Variants in CNTNAP3 observed in about 807,000 individuals in gnomAD.
CNTNAP3 encodes contactin-associated protein-like 3.
CNTNAP3 carries 36 observed loss-of-function variants against 92.1 expected under a neutral mutation model. The observed-to-expected ratio is 0.39, with a 90% confidence interval of 0.30 to 0.52. CNTNAP3 has a LOEUF of 0.52. Among genes scored for constraint, CNTNAP3 ranks in the 20% least tolerant of loss-of-function variants. The pLI is 0.76. For missense variants in CNTNAP3, 534 were observed against 1,069.6 expected (o/e 0.50, Z 6.98); for synonymous variants, 232 against 422.3 (o/e 0.55, Z 5.53).
chr9:39,087,505 G>A (rs1388425536), intron 19 of CNTNAP3, among the ~76,000 whole-genome samples: 3 of 139,348 alleles, frequency 2.2e-5, no homozygotes, highest in Non-Finnish European at 3.1e-5. Context: ...TTGTTTGTTT[G>A]AGGTGGAGTC....
In CNTNAP3 at chr9:39,070,454, T is replaced by C. The variant is rs1443934781; in HGVS notation, c.*3436A>G. On this transcript the variant is annotated 3_prime_UTR_variant, in exon 24 of 24. Transcript: ENST00000297668. Reference sequence around the variant, plus strand: ...CATGTTCTCATTTATTTGTGGGATCTAAAAATCAAAACAACGGAATTCATG... The same window carrying C: ...CATGTTCTCATTTATTTGTGGGATCCAAAAATCAAAACAACGGAATTCATG... Among the ~76,000 whole-genome samples, 2 of 145,052 alleles carry C rather than the reference T, an allele frequency of 1.4e-5. No homozygotes were observed. The highest frequency in any genetic ancestry group is 5.2e-5 in the African/African-American group (2 of 38,262).
chr9:39,121,774 T>A (rs1821028939), intron 13 of CNTNAP3, among the ~76,000 whole-genome samples: 1 of 150,654 alleles, frequency 6.6e-6, no homozygotes, highest in Non-Finnish European at 1.5e-5. Flanking sequence ...GGAAAAAAAA[T>A]GCTCTTATGT....
intron 18 of CNTNAP3, among the ~76,000 whole-genome samples, chr9:39,094,749 T>A (rs1826289627): frequency 6.6e-6 from 1 of 151,644 alleles, no homozygotes; most frequent in Non-Finnish European, 1.5e-5. Flanking sequence ...ATAATGTAGT[T>A]TATAGTAAGT....
intron 23 of CNTNAP3, among the ~76,000 whole-genome samples, chr9:39,076,718 T>A (rs1015424735): frequency 1.3e-5 from 2 of 152,310 alleles, no homozygotes; most frequent in African/African-American, 4.8e-5. Context: ...CCTGTAATCC[T>A]AGCACTTTGG....
intron 15 of CNTNAP3, among the ~76,000 whole-genome samples, chr9:39,108,294 A>C (rs1461867859): frequency 6.6e-6 from 1 of 152,002 alleles, no homozygotes; most frequent in African/African-American, 2.4e-5. Context: ...CTGGGGAGTG[A>C]GTACGCATCG....
Position 39,080,432 on chromosome 9 carries a change from C to T in CNTNAP3, c.3443-1512G>A, listed in dbSNP as rs1021561488. Among the ~76,000 whole-genome samples the T allele has an allele frequency of 9.5e-5, 13 of 136,152 alleles. 1 individual carries two copies. The highest frequency in any genetic ancestry group is 3.3e-4 in the African/African-American group (12 of 36,182). 89.3% of individuals were successfully genotyped at this position (136,152 alleles called of 152,430 possible). ...GACACCCCACCCCAGCCACTCTGCT[C>T]CTTGGCTACGAATCCACACTTCTCC... On this transcript the variant is annotated intron_variant, in intron 21 of 23. Coordinates refer to ENST00000297668, the MANE Select transcript of CNTNAP3 (RefSeq NM_033655.5).
intron 13 of CNTNAP3, among the ~76,000 whole-genome samples, chr9:39,122,431 A>G (rs1346016527): frequency 2.6e-5 from 4 of 152,154 alleles, no homozygotes; most frequent in African/African-American, 9.7e-5. Context: ...CTTATCATCA[A>G]TCACATCAGT....
intron 7 of CNTNAP3, among the ~76,000 whole-genome samples, chr9:39,175,051 A>AC (rs1338213607): frequency 8.4e-6 from 1 of 118,996 alleles, no homozygotes; most frequent in East Asian, 2.4e-4. Flanking sequence ...GTACTAAAAA[A>AC]AATTAGCCGG....
intron 15 of CNTNAP3, among the ~76,000 whole-genome samples, chr9:39,107,504 A>C (rs1439678820): frequency 1.3e-5 from 2 of 152,208 alleles, no homozygotes; most frequent in Non-Finnish European, 2.9e-5. Context: ...GAATAATATA[A>C]AAACCAATTC....
At chr9:39,119,758 G>A (rs1185269643) in intron 13 of CNTNAP3, among the ~76,000 whole-genome samples, 4 of 152,036 alleles carry the variant, frequency 2.6e-5, no homozygotes, top group Non-Finnish European at 4.4e-5. Flanking sequence ...GAAGACAACC[G>A]AAGAGAATTC....
rs1554651771 is a variant in CNTNAP3, at chr9:39,159,629, G to GAGAGAGATAGAT, written c.1477+6303_1477+6304insATCTATCTCTCT. On this transcript the variant is annotated intron_variant, in intron 9 of 23. Coordinates refer to ENST00000297668, the MANE Select transcript of CNTNAP3 (RefSeq NM_033655.5). ...TTACAGGCGTGGGCCACCACGCCTG[G>GAGAGAGATAGAT]AGATAGATAGATAGATAGATAGATA... The GAGAGAGATAGAT allele has an allele frequency of 1.1e-3, 147 of 136,276 alleles. 6 individuals carry two copies. The highest frequency in any genetic ancestry group is 4.1e-3 in the African/African-American group (139 of 33,948). 8.4% of individuals were successfully genotyped at this position (136,276 alleles called of 1,614,324 possible).
At chr9:39,287,915 A>T (rs1823057164) in intron 1 of CNTNAP3, 65 bp downstream of exon 1, 1 of 157,814 alleles carries the variant, frequency 6.3e-6, no homozygotes, top group Non-Finnish European at 1.2e-5. Flanking sequence ...TACCGATAAT[A>T]AAAAAAAAAA....
rs1321175341 is a variant in CNTNAP3 at position 39,144,241 on chromosome 9, G to A, written c.1755C>T (p.Ser585=). Residue 585 remains serine, a splice_region_variant and synonymous_variant, in exon 11 of 24, where the codon TCC becomes TCT. Transcript: ENST00000297668. ...ACGAGAGGGAGGCGTGAGGCTTACA[G>A]GAATGGCAGGTCTCGCCCGTATAGC... The part of the protein sequence containing the change: ...GTGYTGETCH[S]SLYEQSCEAH... 6.3e-7 allele frequency: 1 copy of A among 1,589,550 alleles called. No individual in the cohort carries two copies. Among genetic ancestry groups the A allele is most frequent in the African/African-American group, 1.3e-5 (1 of 74,084 alleles).
intron 18 of CNTNAP3, among the ~76,000 whole-genome samples, chr9:39,093,501 C>T (rs1826258539): frequency 6.6e-6 from 1 of 151,208 alleles, no homozygotes; most frequent in Non-Finnish European, 1.5e-5. Flanking sequence ...CAAAATTAAA[C>T]TGTATTCATT....
At chr9:39,184,060 G>A (rs570753839) in intron 4 of CNTNAP3, among the ~76,000 whole-genome samples, 4 of 145,540 alleles carry the variant, frequency 2.7e-5, no homozygotes, top group African/African-American at 1.1e-4. Flanking sequence ...TAAGTGTAAC[G>A]TTTTTGAAAT....
chr9:39,144,100 A>T, intron 11 of CNTNAP3, 140 bp downstream of exon 11: 1 of 1,411,128 alleles, frequency 7.1e-7, no homozygotes, highest in East Asian at 2.5e-5. Flanking sequence ...GTGGATTAAA[A>T]GTAAACTAGA....
chr9:39,097,563 C>A (rs1826355747), intron 18 of CNTNAP3, among the ~76,000 whole-genome samples: 1 of 151,898 alleles, frequency 6.6e-6, no homozygotes, highest in African/African-American at 2.4e-5. Flanking sequence ...GAAGGAAACC[C>A]CAGACTTCTC....
At chr9:39,108,094 G>A (rs1826649403) in intron 15 of CNTNAP3, among the ~76,000 whole-genome samples, 1 of 152,192 alleles carries the variant, frequency 6.6e-6, no homozygotes, top group South Asian at 2.1e-4. Flanking sequence ...TCACAGCACA[G>A]CATGCAGCAT....
At chr9:39,135,439 G>A (rs1014642122) in intron 12 of CNTNAP3, among the ~76,000 whole-genome samples, 1 of 151,964 alleles carries the variant, frequency 6.6e-6, no homozygotes, top group African/African-American at 2.4e-5. Flanking sequence ...CAGAGGTGTG[G>A]CTGAGTCTGA....
Sources: allele counts gnomAD v4.1 joint callset (sites outside exome capture counted in the v4.1 genomes callset), GRCh38; gene constraint gnomAD v4.1.1; transcripts MANE v1.5; gene names NCBI Gene and HGNC (gene_info 2026-07-23, HGNC 2026-07-21).